CNTN4: variants seen among roughly 807,000 people sequenced by gnomAD.
CNTN4 encodes the protein contactin-4.
Under a neutral mutation model 122.5 loss-of-function variants are expected in CNTN4, and 77 were observed. That is an observed-to-expected ratio of 0.63 (90% CI 0.52 to 0.76). The LOEUF (loss-of-function observed/expected upper bound fraction) is 0.76, where lower values mean the gene tolerates loss of function less well. Among genes scored for constraint, CNTN4 ranks in the 30% least tolerant of loss-of-function variants. The probability of loss-of-function intolerance (pLI) is 0.00; values close to 1 mark genes in which losing one functional copy is unlikely to be tolerated. For missense variants in CNTN4, 1,256 were observed against 1,259.1 expected (o/e 1.00, Z 0.04); for synonymous variants, 512 against 447.0 (o/e 1.15, Z -1.83).
At chr3:2,356,493 T>C (rs373395805) in intron 3 of CNTN4, among the ~76,000 whole-genome samples, 2 of 152,126 alleles carry the variant, frequency 1.3e-5, no homozygotes, top group Non-Finnish European at 2.9e-5. Context: ...ATGTTAATGG[T>C]TTATAATTAG....
rs542932263 is a variant in CNTN4, at chr3:3,031,083, C to T, written c.1783+108C>T. The T allele has an allele frequency of 7.7e-6, 11 of 1,422,586 alleles. No individual in the cohort carries two copies. In the South Asian group the frequency reaches 1.3e-4, roughly 16 times the overall value. The allele number at this position is 1,422,586 out of a possible 1,614,324, so 88.1% of individuals were successfully genotyped here. A position where few individuals can be genotyped will look rare whatever the true frequency, so the allele number is the denominator to read the frequency against. On this transcript the variant is annotated intron_variant, in intron 16 of 24. Coordinates refer to ENST00000418658, the MANE Select transcript of CNTN4 (RefSeq NM_175607.3). ...TTTAGAATTATGGGAAAAAGTCAGG[C>T]AGAAGCTGAACATTGTAAACAGTGG...
At chr3:3,038,605 C>G (rs1699847929) in intron 18 of CNTN4, among the ~76,000 whole-genome samples, 1 of 152,212 alleles carries the variant, frequency 6.6e-6, no homozygotes, top group East Asian at 1.9e-4. Flanking sequence ...AAACGCATAA[C>G]CAAACATTAG....
chr3:2,889,881 AT>A (rs1398736483), intron 10 of CNTN4, among the ~76,000 whole-genome samples: 16 of 152,312 alleles, frequency 1.1e-4, no homozygotes, highest in Admixed American at 7.8e-4. Context: ...GATTACTGTT[AT>A]GGAAAATCAA....
chr3:2,653,149 A>G (rs1267834356), intron 4 of CNTN4, among the ~76,000 whole-genome samples: 1 of 152,114 alleles, frequency 6.6e-6, no homozygotes, highest in Non-Finnish European at 1.5e-5. Flanking sequence ...ATACGCGTTA[A>G]TACATGTGAA....
At chr3:2,661,831 AAATC>A in intron 4 of CNTN4, among the ~76,000 whole-genome samples, 1 of 144,526 alleles carries the variant, frequency 6.9e-6, no homozygotes, top group East Asian at 2.0e-4. Context: ...AAAAAAAAAA[AAATC>A]CTGCATCATC....
At chr3:2,665,159 A>G (rs1371421797) in intron 4 of CNTN4, among the ~76,000 whole-genome samples, 1 of 152,220 alleles carries the variant, frequency 6.6e-6, no homozygotes, top group East Asian at 1.9e-4. Flanking sequence ...TGTCAAAAGA[A>G]GAACCTGATT....
chr3:2,159,725 G>A (rs986980765), intron 2 of CNTN4, among the ~76,000 whole-genome samples: 12 of 151,964 alleles, frequency 7.9e-5, no homozygotes, highest in South Asian at 2.1e-4. Flanking sequence ...ATAAGCAGCC[G>A]TTAACACATC....
intron 2 of CNTN4, among the ~76,000 whole-genome samples, chr3:2,239,681 A>T (rs1369238882): frequency 1.3e-5 from 2 of 152,160 alleles, no homozygotes; most frequent in African/African-American, 4.8e-5. Context: ...GTAAGACTGC[A>T]ATAGCAGTCT....
intron 2 of CNTN4, among the ~76,000 whole-genome samples, chr3:2,178,706 T>G (rs1457847208): frequency 6.6e-6 from 1 of 152,098 alleles, no homozygotes; most frequent in Non-Finnish European, 1.5e-5. Context: ...TGTGTGATCT[T>G]AAGACATTTT....
intron 3 of CNTN4, among the ~76,000 whole-genome samples, chr3:2,375,647 G>C (rs1047335884): frequency 6.6e-6 from 1 of 152,164 alleles, no homozygotes; most frequent in African/African-American, 2.4e-5. Context: ...CTTCCCAGGG[G>C]CCTGCCCTAT....
chr3:3,056,331 G>A lies in CNTN4; in HGVS notation c.*111G>A. ...GTTGTTCAAGTACATCTTATTACTG[G>A]AATAAAAATGTTTTTTGCTTCTTTA... On this transcript the variant is annotated 3_prime_UTR_variant, in exon 25 of 25. Transcript: ENST00000418658. 3.6e-6 allele frequency: 3 copies of A among 833,036 alleles called. No individual in the cohort carries two copies. Among genetic ancestry groups the A allele is most frequent in the South Asian group, 2.8e-5 (2 of 70,816 alleles). The allele number at this position is 833,036 out of a possible 1,614,324, so 51.6% of individuals were successfully genotyped here. A position where few individuals can be genotyped will look rare whatever the true frequency, so the allele number is the denominator to read the frequency against.
chr3:2,482,558 G>T (rs1285874817), intron 3 of CNTN4, among the ~76,000 whole-genome samples: 1 of 152,200 alleles, frequency 6.6e-6, no homozygotes, highest in African/African-American at 2.4e-5. Context: ...CAGACCTTCA[G>T]GACAGGCCCT....
intron 3 of CNTN4, among the ~76,000 whole-genome samples, chr3:2,546,328 A>C: frequency 6.6e-6 from 1 of 151,786 alleles, no homozygotes; most frequent in East Asian, 1.9e-4. Flanking sequence ...TGCAGCCAAA[A>C]AAAAAAAAAG....
At chr3:2,426,704 C>CT in intron 3 of CNTN4, among the ~76,000 whole-genome samples, 1 of 152,208 alleles carries the variant, frequency 6.6e-6, no homozygotes, top group East Asian at 1.9e-4. Context: ...TGGTCCTGGA[C>CT]TTTTTTTGGT....
chr3:2,590,224 A>C (rs1341166918), intron 4 of CNTN4, among the ~76,000 whole-genome samples: 3 of 152,144 alleles, frequency 2.0e-5, no homozygotes, highest in Non-Finnish European at 4.4e-5. Flanking sequence ...TGATCATTTG[A>C]AAACACAAAT....
intron 4 of CNTN4, among the ~76,000 whole-genome samples, chr3:2,594,108 G>A (rs2080639703): frequency 6.6e-6 from 1 of 152,112 alleles, no homozygotes; most frequent in South Asian, 2.1e-4. Context: ...TTTACAAGCA[G>A]GAGATTATTT....
At chr3:2,422,041 A>T (rs990484205) in intron 3 of CNTN4, among the ~76,000 whole-genome samples, 2 of 152,234 alleles carry the variant, frequency 1.3e-5, no homozygotes, top group African/African-American at 4.8e-5. Context: ...TTTTATGGAT[A>T]AGTTTATCTT....
intron 2 of CNTN4, among the ~76,000 whole-genome samples, chr3:2,104,229 C>CGTGT (rs142907603): frequency 0.029 from 3,904 of 135,620 alleles, 153 homozygotes; most frequent in East Asian, 0.18. Context: ...TTTATGTCTA[C>CGTGT]GTGTGTGTGT....
intron 14 of CNTN4, among the ~76,000 whole-genome samples, chr3:3,024,615 T>C (rs1198508750): frequency 6.6e-6 from 1 of 152,108 alleles, no homozygotes; most frequent in Non-Finnish European, 1.5e-5. Flanking sequence ...ATCATGATCT[T>C]TTCCTATTTT....
Sources: gnomAD v4.1 joint callset for allele counts (sites outside exome capture counted in the v4.1 genomes callset) on GRCh38, gnomAD v4.1.1 for gene constraint, MANE v1.5 for transcripts, NCBI Gene and HGNC (gene_info 2026-07-23, HGNC 2026-07-21) for gene names.